The following FAAH2 variants were observed in gnomAD, a reference collection of about 807,000 sequenced individuals.
The protein encoded by FAAH2 is fatty acid amide hydrolase 2.
A neutral mutation model predicts 36.9 loss-of-function variants in FAAH2; 60 were observed. The ratio of observed to expected loss-of-function variants is 1.63; its 90% CI spans 1.32 to 2.02. FAAH2 has a LOEUF of 2.02. Ranked by LOEUF, FAAH2 falls within the 30% of genes most tolerant of loss-of-function variation. The pLI, the probability that FAAH2 is intolerant of heterozygous loss-of-function variation, is 0.00. For synonymous variants in FAAH2, 214 were observed against 143.8 expected, an observed-to-expected ratio of 1.49 and a Z score of -3.49; for missense variants, 689 against 397.5, an observed-to-expected ratio of 1.73 and a Z score of -6.23.
rs1322972629 is a variant in FAAH2, at chrX:57,420,399, G to A, written c.997-11519G>A. Among the ~76,000 whole-genome samples the A allele has an allele frequency of 7.2e-5, 8 of 111,417 alleles. 1 individual carries two copies. The highest frequency in any genetic ancestry group is 7.5e-5 in the Non-Finnish European group (4 of 53,130). ...TTTGTATCCTCTTTTATTTCCTTGA[G>A]CAGTGGTTCGTAGTTCTCCTTGAAA... On this transcript the variant is annotated intron_variant, in intron 7 of 10. Transcript: ENST00000374900.
chrX:57,427,202 C>A (rs969245567), intron 7 of FAAH2, among the ~76,000 whole-genome samples: 1 of 110,323 alleles, frequency 9.1e-6, no homozygotes, highest in Non-Finnish European at 1.9e-5. Context: ...AAATAGAAAT[C>A]ATGAGCAGAT....
intron 10 of FAAH2, among the ~76,000 whole-genome samples, chrX:57,449,101 G>A (rs1372278875): frequency 9.0e-6 from 1 of 111,643 alleles, no homozygotes; most frequent in Non-Finnish European, 1.9e-5. Flanking sequence ...TTGTACAGAA[G>A]ACAATTCTCC....
the FAAH2 span, among the ~76,000 whole-genome samples, chrX:57,240,909 A>T: frequency 8.9e-6 from 1 of 112,355 alleles, no homozygotes; most frequent in Non-Finnish European, 1.9e-5. Flanking sequence ...CACTGGCCGC[A>T]TCCTACAGGC....
At chrX:57,402,083 G>A (rs2147305384) in intron 7 of FAAH2, among the ~76,000 whole-genome samples, 1 of 111,336 alleles carries the variant, frequency 9.0e-6, no homozygotes, top group Non-Finnish European at 1.9e-5. Flanking sequence ...TAACCTCCTG[G>A]CCCTCAATGT....
chrX:57,213,935 T>C, the FAAH2 span, among the ~76,000 whole-genome samples: 6 of 111,954 alleles, frequency 5.4e-5, no homozygotes, highest in Non-Finnish European at 9.4e-5. Context: ...TCCCCTGCTA[T>C]TGCTGTATTG....
At chrX:57,220,328 C>T in the FAAH2 span, among the ~76,000 whole-genome samples, 4 of 74,977 alleles carry the variant, frequency 5.3e-5, no homozygotes, top group Middle Eastern at 9.2e-3. Context: ...TTACCTATAC[C>T]TATTCTCCTC....
At chrX:57,428,108 C>G (rs903672769) in intron 7 of FAAH2, among the ~76,000 whole-genome samples, 10 of 111,630 alleles carry the variant, frequency 9.0e-5, no homozygotes, top group Non-Finnish European at 1.9e-4. Context: ...AATAATCAAG[C>G]TTAGAACCAA....
At chrX:57,371,862 A>G (rs188235041) in intron 5 of FAAH2, among the ~76,000 whole-genome samples, 1 of 111,458 alleles carries the variant, frequency 9.0e-6, no homozygotes, top group Admixed American at 9.6e-5. Flanking sequence ...ATGTTTACCC[A>G]ATGTTTAATT....
intron 5 of FAAH2, among the ~76,000 whole-genome samples, chrX:57,366,961 AAACC>A (rs1183341464): frequency 8.9e-6 from 1 of 111,955 alleles, no homozygotes; most frequent in Non-Finnish European, 1.9e-5. Flanking sequence ...TTTCTACACA[AAACC>A]TCTGGACTCC....
chrX:57,206,506 T>C, the FAAH2 span, among the ~76,000 whole-genome samples: 3 of 112,114 alleles, frequency 2.7e-5, no homozygotes, highest in Non-Finnish European at 5.6e-5. Context: ...ATATAATGAA[T>C]AATGTAACAC....
At chrX:57,470,343 A>C (rs772619586) in intron 10 of FAAH2, among the ~76,000 whole-genome samples, 15 of 111,741 alleles carry the variant, frequency 1.3e-4, no homozygotes, top group Non-Finnish European at 2.4e-4. Flanking sequence ...CAAAATTGAT[A>C]GACTACTAGC....
chrX:57,321,162 G>A (rs981440922), intron 3 of FAAH2, among the ~76,000 whole-genome samples: 9 of 109,999 alleles, frequency 8.2e-5, no homozygotes, highest in Admixed American at 6.8e-4. Context: ...AAAACCGGAT[G>A]AATGCATGTC....
chrX:57,328,345 A>G (rs2053286561), intron 3 of FAAH2, among the ~76,000 whole-genome samples: 1 of 111,299 alleles, frequency 9.0e-6, no homozygotes, highest in Non-Finnish European at 1.9e-5. Flanking sequence ...TGCTGGGAGA[A>G]CCACTATGCC....
At chrX:57,463,234 C>A (rs988792677) in intron 10 of FAAH2, among the ~76,000 whole-genome samples, 4 of 111,131 alleles carry the variant, frequency 3.6e-5, no homozygotes, top group Admixed American at 1.9e-4. Flanking sequence ...CCATACCACC[C>A]AAAGTAATTT....
At chrX:57,417,443 T>C (rs1354233725) in intron 7 of FAAH2, among the ~76,000 whole-genome samples, 1 of 112,131 alleles carries the variant, frequency 8.9e-6, no homozygotes, top group Non-Finnish European at 1.9e-5. Flanking sequence ...ATGTTGATGC[T>C]ATCCCTTTTG....
Position 57,311,934 on chromosome X carries a change from G to A in FAAH2, c.412+1205G>A, listed in dbSNP as rs763435413. On this transcript the variant is annotated intron_variant, in intron 3 of 10. Coordinates refer to ENST00000374900, the MANE Select transcript of FAAH2 (RefSeq NM_174912.4). ...AGATCTGTGGACAGTAATGAAGCTG[G>A]GGAGGAGCTCCCAACCCCAGAACAC... Among the ~76,000 whole-genome samples, 5 of 112,158 alleles carry A rather than the reference G, an allele frequency of 4.5e-5. 1 individual carries two copies. Among genetic ancestry groups the A allele is most frequent in the Middle Eastern group, 9.2e-3 (2 of 218 alleles).
At chrX:57,440,147 G>T (rs1003583637) in intron 8 of FAAH2, among the ~76,000 whole-genome samples, 1 of 111,289 alleles carries the variant, frequency 9.0e-6, no homozygotes, top group African/African-American at 3.3e-5. Context: ...GAAAGTCATT[G>T]GTAGCTTAAT....
the FAAH2 span, among the ~76,000 whole-genome samples, chrX:57,224,823 T>C: frequency 2.7e-5 from 3 of 112,281 alleles, no homozygotes; most frequent in Non-Finnish European, 5.6e-5. Context: ...GTGTTGTCTG[T>C]TGGCATGCTC....
chrX:57,162,267 A>G, the FAAH2 span, among the ~76,000 whole-genome samples: 7 of 111,655 alleles, frequency 6.3e-5, no homozygotes, highest in South Asian at 3.8e-4. Context: ...AGGGTAACCC[A>G]ACCTTTCTCT....
Sources: gnomAD v4.1 joint callset for allele counts (sites outside exome capture counted in the v4.1 genomes callset) on GRCh38, gnomAD v4.1.1 for gene constraint, MANE v1.5 for transcripts, NCBI Gene and HGNC (gene_info 2026-07-23, HGNC 2026-07-21) for gene names.